SH3RF3: variants seen among roughly 807,000 people sequenced by gnomAD.
SH3RF3 encodes SH3 domain containing ring finger 3, also known as E3 ubiquitin-protein ligase SH3RF3.
A neutral mutation model predicts 66.3 loss-of-function variants in SH3RF3; 29 were observed. The ratio of observed to expected loss-of-function variants is 0.44; its 90% CI spans 0.33 to 0.60. The LOEUF is 0.60. Ranked by LOEUF, SH3RF3 falls within the 20% of genes least tolerant of loss-of-function variation. SH3RF3 has a pLI of 0.04. For synonymous variants in SH3RF3, 583 were observed against 532.0 expected (o/e 1.10, Z -1.32); for missense variants, 1,194 against 1,190.9 (o/e 1.00, Z -0.04).
chr2:109,411,928 G>T (rs10195144), intron 4 of SH3RF3, among the ~76,000 whole-genome samples: 2 of 152,054 alleles, frequency 1.3e-5, no homozygotes, highest in South Asian at 4.1e-4. Flanking sequence ...AGTGAAGCCG[G>T]CAGAATGTCT....
At chr2:109,392,279 G>T (rs1438444376) in intron 3 of SH3RF3, among the ~76,000 whole-genome samples, 1 of 152,204 alleles carries the variant, frequency 6.6e-6, no homozygotes, top group Non-Finnish European at 1.5e-5. Flanking sequence ...GTGACGAGGG[G>T]ATGGCAGCAG....
chr2:109,222,426 G>A (rs182674583), intron 1 of SH3RF3, among the ~76,000 whole-genome samples: 88 of 152,298 alleles, frequency 5.8e-4, no homozygotes, highest in African/African-American at 2.0e-3. Flanking sequence ...CACATTGTAT[G>A]TATCAAAATA....
chr2:109,284,111 C>A (rs1011571850), intron 1 of SH3RF3, among the ~76,000 whole-genome samples: 1 of 152,152 alleles, frequency 6.6e-6, no homozygotes, highest in African/African-American at 2.4e-5. Context: ...AATGAAAGAC[C>A]TTGAACGAAC....
chr2:109,405,630 C>T (rs1255352882), intron 4 of SH3RF3, among the ~76,000 whole-genome samples: 1 of 152,240 alleles, frequency 6.6e-6, no homozygotes, highest in Non-Finnish European at 1.5e-5. Context: ...AGACACATAC[C>T]TGTGCAGAAG....
chr2:109,198,445 C>T (rs1325693824), intron 1 of SH3RF3, among the ~76,000 whole-genome samples: 1 of 152,198 alleles, frequency 6.6e-6, no homozygotes, highest in East Asian at 1.9e-4. Context: ...GTACCCTGCC[C>T]AGCACAGATT....
chr2:109,379,976 G>A (rs1331105660), intron 3 of SH3RF3, among the ~76,000 whole-genome samples: 1 of 152,108 alleles, frequency 6.6e-6, no homozygotes, highest in African/African-American at 2.4e-5. Flanking sequence ...GTAACCCACT[G>A]TTTCCCTTAC....
intron 9 of SH3RF3, among the ~76,000 whole-genome samples, chr2:109,493,146 A>T (rs1463477277): frequency 7.1e-6 from 1 of 140,012 alleles, no homozygotes; most frequent in African/African-American, 2.6e-5. Flanking sequence ...CACATACATC[A>T]TACAAAACAC....
At chr2:109,233,660 C>G (rs778160166) in intron 1 of SH3RF3, among the ~76,000 whole-genome samples, 7 of 152,232 alleles carry the variant, frequency 4.6e-5, no homozygotes, top group Non-Finnish European at 1.5e-5. Context: ...GCCTCCTGTT[C>G]GTATCACCAC....
At chr2:109,366,146 A>G (rs528792056) in intron 2 of SH3RF3, among the ~76,000 whole-genome samples, 110 of 152,320 alleles carry the variant, frequency 7.2e-4, no homozygotes, top group African/African-American at 2.5e-3. Flanking sequence ...AAATTTTGGC[A>G]TATATATTTT....
chr2:109,267,666 G>T (rs565862925), intron 1 of SH3RF3, among the ~76,000 whole-genome samples: 26 of 152,294 alleles, frequency 1.7e-4, no homozygotes, highest in Middle Eastern at 3.4e-3. Context: ...CCTGAGGTCT[G>T]GGAGGCAGGA....
At chr2:109,404,583 C>T (rs1481108758) in intron 4 of SH3RF3, among the ~76,000 whole-genome samples, 1 of 152,138 alleles carries the variant, frequency 6.6e-6, no homozygotes, top group African/African-American at 2.4e-5. Context: ...CCACTGGGCA[C>T]CTCCCAGAGG....
intron 1 of SH3RF3, among the ~76,000 whole-genome samples, chr2:109,309,499 C>A (rs1347739887): frequency 3.1e-5 from 4 of 128,762 alleles, no homozygotes; most frequent in Non-Finnish European, 4.7e-5. Context: ...TCACACATAA[C>A]AATATTAACT....
chr2:109,168,565 T>A (rs1677682566), intron 1 of SH3RF3, among the ~76,000 whole-genome samples: 1 of 152,238 alleles, frequency 6.6e-6, no homozygotes, highest in Non-Finnish European at 1.5e-5. Flanking sequence ...TTCCTACTTC[T>A]AATCTTCGGA....
chr2:109,263,430 A>G (rs890337721), intron 1 of SH3RF3, among the ~76,000 whole-genome samples: 2 of 152,182 alleles, frequency 1.3e-5, no homozygotes, highest in Admixed American at 6.5e-5. Flanking sequence ...TTCTTGATTG[A>G]CAGCCTTCAA....
At chr2:109,460,886 A>C (rs759357081) in intron 8 of SH3RF3, among the ~76,000 whole-genome samples, 22 of 152,150 alleles carry the variant, frequency 1.4e-4, no homozygotes, top group Non-Finnish European at 1.8e-4. Context: ...CTTTCCCTTC[A>C]CTGCTGTCCC....
intron 1 of SH3RF3, among the ~76,000 whole-genome samples, chr2:109,194,892 T>C (rs1220413961): frequency 6.6e-6 from 1 of 152,004 alleles, no homozygotes; most frequent in Non-Finnish European, 1.5e-5. Context: ...TTAAAAATGC[T>C]ACTTGGAAAA....
intron 1 of SH3RF3, among the ~76,000 whole-genome samples, chr2:109,285,030 G>A (rs577229281): frequency 5.9e-5 from 9 of 152,344 alleles, no homozygotes; most frequent in Admixed American, 1.3e-4. Context: ...GCGCTGTGCC[G>A]CGGGGCCTCT....
chr2:109,448,064 T>C (rs1408718774), intron 7 of SH3RF3, among the ~76,000 whole-genome samples: 1 of 152,116 alleles, frequency 6.6e-6, no homozygotes, highest in Non-Finnish European at 1.5e-5. Flanking sequence ...TCTCACATGC[T>C]CAGCCCTCAC....
intron 5 of SH3RF3, among the ~76,000 whole-genome samples, chr2:109,426,970 A>T (rs564130706): frequency 9.1e-6 from 1 of 109,812 alleles, no homozygotes; most frequent in East Asian, 2.4e-4. Flanking sequence ...TAAAATATAT[A>T]TATATATATT....
Sources: allele counts gnomAD v4.1 joint callset (sites outside exome capture counted in the v4.1 genomes callset), GRCh38; gene constraint gnomAD v4.1.1; transcripts MANE v1.5; gene names NCBI Gene and HGNC (gene_info 2026-07-23, HGNC 2026-07-21).